Variants in TRPC4 observed in about 807,000 individuals in gnomAD.
The protein encoded by TRPC4 is short transient receptor potential channel 4.
A neutral mutation model predicts 99.4 loss-of-function variants in TRPC4; 49 were observed. That is an observed-to-expected ratio of 0.49 (90% CI 0.39 to 0.63). TRPC4 has a LOEUF of 0.63. TRPC4 is among the 20% of genes least tolerant of loss of function. TRPC4 has a pLI of 0.00. For synonymous variants in TRPC4, 454 were observed against 425.9 expected, an observed-to-expected ratio of 1.07 and a Z score of -0.81; for missense variants, 898 against 1,152.9, an observed-to-expected ratio of 0.78 and a Z score of 3.20.
At chr13:37,655,034 A>C in intron 7 of TRPC4, 54 bp downstream of exon 7, 1 of 1,329,434 alleles carries the variant, frequency 7.5e-7, no homozygotes, top group South Asian at 2.0e-5. Context: ...AGTATAGCTA[A>C]GAACAACACA....
intron 1 of TRPC4, among the ~76,000 whole-genome samples, chr13:37,868,210 G>T (rs1299803813): frequency 6.6e-6 from 1 of 151,966 alleles, no homozygotes; most frequent in Admixed American, 6.6e-5. Flanking sequence ...AATTTTAAAG[G>T]TTATAAGTAA....
intron 1 of TRPC4, among the ~76,000 whole-genome samples, chr13:37,827,583 C>T (rs1352683402): frequency 1.4e-4 from 21 of 151,914 alleles, no homozygotes; most frequent in Admixed American, 2.6e-4. Flanking sequence ...TTAGGCTGCT[C>T]GGGGGTCAGG....
At chr13:37,666,660 A>T (rs1002922066) in intron 5 of TRPC4, among the ~76,000 whole-genome samples, 2 of 152,204 alleles carry the variant, frequency 1.3e-5, no homozygotes, top group East Asian at 3.8e-4. Context: ...ATTCTTAGGA[A>T]TTAAAATATT....
intron 3 of TRPC4, among the ~76,000 whole-genome samples, chr13:37,716,283 G>A (rs938117494): frequency 3.9e-5 from 6 of 152,014 alleles, no homozygotes; most frequent in African/African-American, 1.5e-4. Context: ...AAATATACGG[G>A]AATTACAAGT....
intron 1 of TRPC4, among the ~76,000 whole-genome samples, chr13:37,821,376 A>G (rs938124614): frequency 3.3e-5 from 5 of 152,104 alleles, no homozygotes; most frequent in African/African-American, 1.2e-4. Flanking sequence ...TATTGTTAAA[A>G]TAGGATACTG....
At chr13:37,866,379 C>T (rs577655198) in intron 1 of TRPC4, among the ~76,000 whole-genome samples, 1 of 151,698 alleles carries the variant, frequency 6.6e-6, no homozygotes, top group Admixed American at 6.6e-5. Flanking sequence ...AGTTCTGAAA[C>T]TATTTCTTTC....
intron 3 of TRPC4, among the ~76,000 whole-genome samples, chr13:37,704,861 A>G (rs1192867776): frequency 6.6e-6 from 1 of 152,162 alleles, no homozygotes; most frequent in East Asian, 1.9e-4. Context: ...AATTTAAATG[A>G]GTACATTCAT....
intron 3 of TRPC4, among the ~76,000 whole-genome samples, chr13:37,737,386 A>G (rs995284891): frequency 2.0e-5 from 3 of 152,196 alleles, no homozygotes; most frequent in African/African-American, 7.2e-5. Flanking sequence ...AATGCAAAGG[A>G]TAAGTTGTCC....
At chr13:37,685,236 A>G (rs1953424534) in intron 4 of TRPC4, among the ~76,000 whole-genome samples, 2 of 152,212 alleles carry the variant, frequency 1.3e-5, no homozygotes, top group East Asian at 1.9e-4. Context: ...GTACGGACAC[A>G]CGTTCTGAGC....
intron 1 of TRPC4, among the ~76,000 whole-genome samples, chr13:37,863,830 G>T (rs1172714256): frequency 6.6e-6 from 1 of 151,616 alleles, no homozygotes; most frequent in Non-Finnish European, 1.5e-5. Flanking sequence ...CATAGCAGCT[G>T]ATGACAGACC....
Position 37,637,017 on chromosome 13 carries a change from C to T in TRPC4, c.2820G>A (p.Thr940=), listed in dbSNP as rs1426730736. Residue 940 remains threonine, a synonymous_variant, in exon 11 of 11, where the codon ACG becomes ACA. Coordinates refer to ENST00000379705, the MANE Select transcript of TRPC4 (RefSeq NM_016179.4). ...FKSEKVVVED[T]VPIIPKEKHA... Reference sequence around the variant, plus strand: ...GTTTCTCCTTTGGTATTATAGGAACCGTGTCCTCCACCACCACCTTCTCTG... The same window carrying T: ...GTTTCTCCTTTGGTATTATAGGAACTGTGTCCTCCACCACCACCTTCTCTG... The T allele has an allele frequency of 1.2e-6, 2 of 1,613,550 alleles. No homozygotes were observed. Among genetic ancestry groups the T allele is most frequent in the African/African-American group, 2.7e-5 (2 of 74,868 alleles).
At chr13:37,701,012 C>G (rs1954085893) in intron 3 of TRPC4, among the ~76,000 whole-genome samples, 1 of 151,980 alleles carries the variant, frequency 6.6e-6, no homozygotes, top group Non-Finnish European at 1.5e-5. Flanking sequence ...CTATAATATA[C>G]AGAGAAAAAG....
chr13:37,806,647 A>G (rs1366118391), intron 1 of TRPC4, among the ~76,000 whole-genome samples: 1 of 152,100 alleles, frequency 6.6e-6, no homozygotes, highest in Non-Finnish European at 1.5e-5. Flanking sequence ...TTTTGTCCTT[A>G]TTAAGACCTC....
At chr13:37,723,013 G>A (rs61955516) in intron 3 of TRPC4, among the ~76,000 whole-genome samples, 8,850 of 152,094 alleles carry the variant, frequency 0.058, 363 homozygotes, top group Non-Finnish European at 0.085. Context: ...GTACTTAATG[G>A]GAGCTACGAC....
intron 1 of TRPC4, among the ~76,000 whole-genome samples, chr13:37,858,342 T>A (rs1959191454): frequency 6.6e-6 from 1 of 151,656 alleles, no homozygotes; most frequent in African/African-American, 2.4e-5. Flanking sequence ...ACAACCACAA[T>A]GAAAAACAGT....
chr13:37,649,895 A>G (rs1221649100), intron 8 of TRPC4, among the ~76,000 whole-genome samples: 1 of 152,214 alleles, frequency 6.6e-6, no homozygotes, highest in Non-Finnish European at 1.5e-5. Flanking sequence ...ATGGCAGGAT[A>G]AGGCTTTGTT....
intron 8 of TRPC4, among the ~76,000 whole-genome samples, chr13:37,649,747 AAAAAAAAAAAAAACAAC>A (rs1251677490): frequency 4.1e-5 from 6 of 146,802 alleles, no homozygotes; most frequent in South Asian, 2.2e-4. Flanking sequence ...AAAAAAAAAA[AAAAAAAAAAAAAACAAC>A]AACAAAGAAC....
At chr13:37,662,039 T>C (rs780787863) in intron 6 of TRPC4, among the ~76,000 whole-genome samples, 1 of 152,146 alleles carries the variant, frequency 6.6e-6, no homozygotes, top group Non-Finnish European at 1.5e-5. Flanking sequence ...GCCGGCGAAG[T>C]GGCTCATGCC....
intron 1 of TRPC4, among the ~76,000 whole-genome samples, chr13:37,805,366 C>T (rs1411514102): frequency 6.6e-6 from 1 of 151,906 alleles, no homozygotes; most frequent in Non-Finnish European, 1.5e-5. Flanking sequence ...CTGCTGTTTC[C>T]ACATTGTATA....
Sources: gnomAD v4.1 joint callset for allele counts (sites outside exome capture counted in the v4.1 genomes callset) on GRCh38, gnomAD v4.1.1 for gene constraint, MANE v1.5 for transcripts, NCBI Gene and HGNC (gene_info 2026-07-23, HGNC 2026-07-21) for gene names.